The following ZNRF3 variants were observed in gnomAD, a reference collection of about 807,000 sequenced individuals.
ZNRF3 encodes the protein E3 ubiquitin-protein ligase ZNRF3.
In ZNRF3, 23 loss-of-function variants were observed where a neutral mutation model predicts 72.5. That is an observed-to-expected ratio of 0.32 (90% confidence interval 0.23 to 0.45). The LOEUF (loss-of-function observed/expected upper bound fraction) is 0.45. Among genes scored for constraint, ZNRF3 ranks in the 20% least tolerant of loss-of-function variants. The pLI is 1.00. For missense variants in ZNRF3, 1,169 were observed against 1,272.1 expected (o/e 0.92, Z 1.23); for synonymous variants, 610 against 545.3 (o/e 1.12, Z -1.65).
At chr22:28,891,228 T>C (rs1038407106) in intron 1 of ZNRF3, among the ~76,000 whole-genome samples, 8 of 152,198 alleles carry the variant, frequency 5.3e-5, no homozygotes, top group African/African-American at 1.9e-4. Context: ...AAGGTAGAGA[T>C]GACCCAGGAT....
At chr22:29,012,987 G>A (rs929605042) in intron 2 of ZNRF3, among the ~76,000 whole-genome samples, 4 of 152,190 alleles carry the variant, frequency 2.6e-5, no homozygotes, top group African/African-American at 9.7e-5. Flanking sequence ...TGTCCTTTGA[G>A]TTACTTAAGC....
At chr22:29,036,023 CGT>C (rs1319002806) in intron 2 of ZNRF3, among the ~76,000 whole-genome samples, 1 of 151,912 alleles carries the variant, frequency 6.6e-6, no homozygotes, top group Non-Finnish European at 1.5e-5. Context: ...TTTTGGTGGG[CGT>C]GTGTCTGTAA....
intron 1 of ZNRF3, among the ~76,000 whole-genome samples, chr22:28,971,882 A>AT (rs1217771438): frequency 2.0e-5 from 3 of 152,028 alleles, no homozygotes; most frequent in African/African-American, 7.2e-5. Flanking sequence ...AAGTTTTTGT[A>AT]TTTTTTGTAG....
At chr22:29,041,136 G>A (rs1371382216) in intron 2 of ZNRF3, among the ~76,000 whole-genome samples, 2 of 152,142 alleles carry the variant, frequency 1.3e-5, no homozygotes, top group Non-Finnish European at 2.9e-5. Flanking sequence ...GCCAGGACAT[G>A]CATGTATGTA....
intron 1 of ZNRF3, among the ~76,000 whole-genome samples, chr22:28,911,219 A>G (rs1232190683): frequency 6.6e-6 from 1 of 152,146 alleles, no homozygotes; most frequent in East Asian, 1.9e-4. Context: ...TGGGGAGGGA[A>G]AGAACTTTGG....
chr22:28,990,323 C>T (rs1353338076), intron 2 of ZNRF3, among the ~76,000 whole-genome samples: 3 of 152,188 alleles, frequency 2.0e-5, no homozygotes, highest in Non-Finnish European at 4.4e-5. Context: ...GGCTCTGTTA[C>T]CTGTGGCAGT....
intron 1 of ZNRF3, among the ~76,000 whole-genome samples, chr22:28,906,895 C>G (rs139001449): frequency 0.012 from 1,873 of 152,318 alleles, 35 homozygotes; most frequent in African/African-American, 0.041. Context: ...CCAATTTTCT[C>G]TTTCCCTTCT....
chr22:28,940,949 C>T (rs573963445), intron 1 of ZNRF3, among the ~76,000 whole-genome samples: 1 of 152,266 alleles, frequency 6.6e-6, no homozygotes, highest in South Asian at 2.1e-4. Flanking sequence ...GCACTTTGAT[C>T]ACCCTCCTGA....
At chr22:29,031,682 G>T in intron 2 of ZNRF3, 1 of 966,152 alleles carries the variant, frequency 1.0e-6, no homozygotes, top group Non-Finnish European at 1.2e-6. Context: ...GGGATAACAG[G>T]ACTCAAAGAG....
chr22:29,052,430 C>T (rs2037222670), intron 8 of ZNRF3, among the ~76,000 whole-genome samples: 1 of 152,308 alleles, frequency 6.6e-6, no homozygotes, highest in East Asian at 1.9e-4. Flanking sequence ...TGCGGTGATT[C>T]ACGCCTGTAA....
At chr22:28,970,519 CAA>C (rs1335941007) in intron 1 of ZNRF3, among the ~76,000 whole-genome samples, 6 of 152,144 alleles carry the variant, frequency 3.9e-5, no homozygotes, top group African/African-American at 1.2e-4. Flanking sequence ...GGTATTTACA[CAA>C]GAGAAATAAA....
chr22:29,036,495 C>G (rs2036870421), intron 2 of ZNRF3, among the ~76,000 whole-genome samples: 1 of 152,196 alleles, frequency 6.6e-6, no homozygotes, highest in African/African-American at 2.4e-5. Context: ...ACTTCTTTCT[C>G]CCTTCCACCC....
intron 1 of ZNRF3, among the ~76,000 whole-genome samples, chr22:28,921,131 C>T (rs943578174): frequency 6.6e-6 from 1 of 152,098 alleles, no homozygotes; most frequent in Non-Finnish European, 1.5e-5. Context: ...TTTAAAAAAC[C>T]CCCACCAAAC....
intron 2 of ZNRF3, among the ~76,000 whole-genome samples, chr22:29,020,780 T>TGG (rs1569284254): frequency 7.0e-6 from 1 of 142,252 alleles, no homozygotes; most frequent in East Asian, 2.3e-4. Flanking sequence ...TGTGTGGGTG[T>TGG]GTGTGTGTGT....
At chr22:28,916,483 T>G (rs1039796309) in intron 1 of ZNRF3, among the ~76,000 whole-genome samples, 1 of 152,234 alleles carries the variant, frequency 6.6e-6, no homozygotes, top group African/African-American at 2.4e-5. Flanking sequence ...GATTTAAAAT[T>G]ATTAGTTATT....
intron 1 of ZNRF3, among the ~76,000 whole-genome samples, chr22:28,912,011 G>A (rs953884942): frequency 1.3e-5 from 2 of 152,208 alleles, no homozygotes; most frequent in African/African-American, 2.4e-5. Flanking sequence ...TACAAATTAT[G>A]TAAGAGAAGG....
intron 1 of ZNRF3, among the ~76,000 whole-genome samples, chr22:28,924,380 T>C (rs1027980652): frequency 1.3e-5 from 2 of 152,232 alleles, no homozygotes; most frequent in Non-Finnish European, 2.9e-5. Context: ...CCTGAAATAC[T>C]GAAAGTGCTT....
chr22:28,924,732 G>T (rs994630426), intron 1 of ZNRF3, among the ~76,000 whole-genome samples: 1 of 151,926 alleles, frequency 6.6e-6, no homozygotes, highest in African/African-American at 2.4e-5. Flanking sequence ...GCAAGGCCTT[G>T]TCTCTAAAAA....
At chr22:29,051,209 CT>C (rs1389241316) in intron 8 of ZNRF3, among the ~76,000 whole-genome samples, 4 of 152,122 alleles carry the variant, frequency 2.6e-5, no homozygotes, top group East Asian at 1.9e-4. Flanking sequence ...TCATTTCCCC[CT>C]CTGCCCTGCT....
Sources: allele counts gnomAD v4.1 joint callset (sites outside exome capture counted in the v4.1 genomes callset), GRCh38; gene constraint gnomAD v4.1.1; transcripts MANE v1.5; gene names NCBI Gene and HGNC (gene_info 2026-07-23, HGNC 2026-07-21).